TEX9: variants seen among roughly 807,000 people sequenced by gnomAD.
The protein encoded by TEX9 is testis expressed 9.
A neutral mutation model predicts 59.6 loss-of-function variants in TEX9; 74 were observed. The ratio of observed to expected loss-of-function variants is 1.24; its 90% CI spans 1.03 to 1.51. The LOEUF (loss-of-function observed/expected upper bound fraction) is 1.51, where lower values mean the gene tolerates loss of function less well. TEX9 is among the 40% of genes most tolerant of loss of function. The pLI is 0.00. For missense variants in TEX9, 522 were observed against 447.8 expected (o/e 1.17, Z -1.49); for synonymous variants, 186 against 152.2 (o/e 1.22, Z -1.64).
At position 56,356,035 on chromosome 15, in the gene TEX9, A is replaced by T. The variant is rs182861134; in HGVS notation, c.-106-17406A>T. ...CTAAACTCGCCAACTACTTTCATGAATTTTTTGTAGTCTGGTATTTTCTAA... is the reference window on the plus strand; with the variant it reads ...CTAAACTCGCCAACTACTTTCATGATTTTTTTGTAGTCTGGTATTTTCTAA... On this transcript the variant is annotated intron_variant, in intron 1 of 5. Transcript: ENST00000560827. 3.8e-3 allele frequency among the ~76,000 whole-genome samples: 583 copies of T among 152,156 alleles called. 4 individuals are homozygous for T. The highest frequency in any genetic ancestry group is 0.034 in the Middle Eastern group (10 of 294).
chr15:56,363,906 C>G (rs1005752248), upstream of TEX9, among the ~76,000 whole-genome samples: 6 of 149,304 alleles, frequency 4.0e-5, no homozygotes, highest in Non-Finnish European at 8.9e-5. Flanking sequence ...TGGTCTGGAA[C>G]TCCTGGGCTC....
chr15:56,355,189 A>G (rs1163495084), intron 1 of TEX9, among the ~76,000 whole-genome samples: 1 of 152,112 alleles, frequency 6.6e-6, no homozygotes, highest in Non-Finnish European at 1.5e-5. Flanking sequence ...ATAACTTAAT[A>G]TTAGTGAAAT....
At chr15:56,260,802 G>C (rs1174015733) in intron 1 of TEX9, among the ~76,000 whole-genome samples, 2 of 151,958 alleles carry the variant, frequency 1.3e-5, no homozygotes, top group East Asian at 3.8e-4. Flanking sequence ...TTTCCTGAAA[G>C]AGGTTATGTA....
At chr15:56,270,155 A>G (rs1336620662) in intron 1 of TEX9, among the ~76,000 whole-genome samples, 3 of 152,144 alleles carry the variant, frequency 2.0e-5, no homozygotes, top group African/African-American at 7.2e-5. Context: ...GTAGATGCCT[A>G]TTAGGTCTGC....
chr15:56,373,046 T>C (rs141739030), intron 2 of TEX9, among the ~76,000 whole-genome samples: 188 of 152,260 alleles, frequency 1.2e-3, no homozygotes, highest in African/African-American at 4.3e-3. Flanking sequence ...CCGTGCCCAC[T>C]TCTGCCCACA....
intron 1 of TEX9, among the ~76,000 whole-genome samples, chr15:56,271,527 G>C (rs2044531443): frequency 6.6e-6 from 1 of 152,042 alleles, no homozygotes; most frequent in African/African-American, 2.4e-5. Flanking sequence ...TCAAACTCTT[G>C]ACCTCAGGTG....
chr15:56,371,817 A>G (rs2047204259), intron 2 of TEX9, among the ~76,000 whole-genome samples: 1 of 152,070 alleles, frequency 6.6e-6, no homozygotes, highest in African/African-American at 2.4e-5. Context: ...GTTTGTTTTA[A>G]TTACTCACAA....
intron 1 of TEX9, among the ~76,000 whole-genome samples, chr15:56,331,280 A>C (rs1346438830): frequency 6.6e-6 from 1 of 152,242 alleles, no homozygotes; most frequent in Non-Finnish European, 1.5e-5. Context: ...CATCAGACTT[A>C]GTCTGCACTG....
chr15:56,415,059 G>C (rs1296138541), intron 10 of TEX9, among the ~76,000 whole-genome samples: 10 of 151,564 alleles, frequency 6.6e-5, no homozygotes, highest in Non-Finnish European at 4.4e-5. Context: ...GTCTGTTCTT[G>C]TTCTTTCCCC....
At chr15:56,358,343 T>G (rs1354182752) in intron 1 of TEX9, among the ~76,000 whole-genome samples, 1 of 151,916 alleles carries the variant, frequency 6.6e-6, no homozygotes, top group East Asian at 1.9e-4. Context: ...AGATAAGTTT[T>G]TTTTTTTTTT....
chr15:56,253,999 A>G lies in TEX9; in HGVS notation c.-107+9721A>G, dbSNP rs532736423. Among the ~76,000 whole-genome samples, 3 of 152,300 alleles carry G rather than the reference A, an allele frequency of 2.0e-5. No homozygotes were observed. In the East Asian group the frequency reaches 5.8e-4, roughly 29 times the overall value. ...AATAAAAATGGCAAGAACATAGGTT[A>G]TCACCCACAAATTACATTTAATGGT... On this transcript the variant is annotated intron_variant, in intron 1 of 5. Transcript: ENST00000560827.
intron 1 of TEX9, among the ~76,000 whole-genome samples, chr15:56,258,787 C>T (rs1168069297): frequency 4.0e-5 from 6 of 151,510 alleles, no homozygotes; most frequent in East Asian, 1.9e-4. Flanking sequence ...TTGTAAAATG[C>T]TTGCTCAAGT....
chr15:56,427,798 T>G (rs1286771754), intron 11 of TEX9, 59 bp downstream of exon 11: 3 of 1,338,950 alleles, frequency 2.2e-6, no homozygotes, highest in Middle Eastern at 2.7e-4. Context: ...ACTAAAAAAT[T>G]TAGCATTTTT....
chr15:56,437,586 A>G (rs534154400), intron 12 of TEX9, among the ~76,000 whole-genome samples: 3 of 152,286 alleles, frequency 2.0e-5, no homozygotes, highest in South Asian at 2.1e-4. Flanking sequence ...CACCACTCCT[A>G]TTCAACATAG....
At chr15:56,363,314 G>C (rs1332936683), upstream of TEX9, among the ~76,000 whole-genome samples, 1 of 151,374 alleles carries the variant, frequency 6.6e-6, no homozygotes, top group African/African-American at 2.4e-5. Flanking sequence ...ACCCAGGCTG[G>C]AGTGCAGTGG....
intron 10 of TEX9, among the ~76,000 whole-genome samples, chr15:56,425,759 A>G (rs1847030224): frequency 6.6e-6 from 1 of 152,114 alleles, no homozygotes; most frequent in Non-Finnish European, 1.5e-5. Flanking sequence ...AATATGGTCC[A>G]TGTTTCCCTG....
intron 1 of TEX9, among the ~76,000 whole-genome samples, chr15:56,354,581 A>G (rs1047200794): frequency 6.6e-6 from 1 of 152,232 alleles, no homozygotes; most frequent in Non-Finnish European, 1.5e-5. Context: ...AGTTTATTTC[A>G]CAAGTATTTA....
intron 10 of TEX9, among the ~76,000 whole-genome samples, chr15:56,425,065 T>TACTG (rs1341332877): frequency 6.6e-6 from 1 of 152,170 alleles, no homozygotes; most frequent in East Asian, 1.9e-4. Flanking sequence ...TATATCATCC[T>TACTG]ACTGACTTCT....
At chr15:56,278,132 C>T (rs559114970) in intron 1 of TEX9, among the ~76,000 whole-genome samples, 76 of 152,158 alleles carry the variant, frequency 5.0e-4, no homozygotes, top group African/African-American at 1.7e-3. Flanking sequence ...ATGTTCTTTA[C>T]AATATTTATT....
Sources: gnomAD v4.1 joint callset for allele counts (sites outside exome capture counted in the v4.1 genomes callset) on GRCh38, gnomAD v4.1.1 for gene constraint, MANE v1.5 for transcripts, NCBI Gene and HGNC (gene_info 2026-07-23, HGNC 2026-07-21) for gene names.